The following DLG2 variants were observed in gnomAD, a reference collection of about 807,000 sequenced individuals.
The protein encoded by DLG2 is disks large homolog 2.
A neutral mutation model predicts 132.5 loss-of-function variants in DLG2; 45 were observed. That is an observed-to-expected ratio of 0.34 (90% confidence interval 0.27 to 0.44). The LOEUF (loss-of-function observed/expected upper bound fraction) is 0.44. DLG2 is among the 20% of genes least tolerant of loss of function. The probability of loss-of-function intolerance (pLI) is 1.00; values close to 1 mark genes in which losing one functional copy is unlikely to be tolerated. For missense variants in DLG2, 1,045 were observed against 1,196.9 expected (o/e 0.87, Z 1.87); for synonymous variants, 424 against 419.6 (o/e 1.01, Z -0.13).
intron 18 of DLG2, among the ~76,000 whole-genome samples, chr11:83,718,198 C>A (rs190935907): frequency 6.6e-6 from 1 of 152,210 alleles, no homozygotes; most frequent in East Asian, 1.9e-4. Context: ...GGAGTAGAGA[C>A]GGCTTCTCAG....
intron 6 of DLG2, among the ~76,000 whole-genome samples, chr11:84,652,243 TTGTG>T (rs945537487): frequency 1.3e-5 from 2 of 152,086 alleles, no homozygotes; most frequent in Non-Finnish European, 2.9e-5. Flanking sequence ...GTGTGCCTGT[TTGTG>T]TGTGTGTGTT....
intron 6 of DLG2, among the ~76,000 whole-genome samples, chr11:84,934,515 G>GGTTTTTTTTTTTTTTTTTTTTTT (rs1566441569): frequency 7.4e-5 from 3 of 40,478 alleles, no homozygotes; most frequent in Non-Finnish European, 1.3e-4. Flanking sequence ...TTTTTTTTTT[G>GGTTTTTTTTTTTTTTTTTTTTTT]TTTTGTTTTG....
In DLG2 at chr11:84,035,164, A is replaced by G. The variant is rs556923804; in HGVS notation, c.919+24151T>C. On this transcript the variant is annotated intron_variant, in intron 11 of 27. Transcript: ENST00000376104. Reference sequence around the variant, plus strand: ...CTAAGCCAAGGTCTGCTGCCCAGTAACACCTACTCTCCCTACCTCTGCCTT... The same window carrying G: ...CTAAGCCAAGGTCTGCTGCCCAGTAGCACCTACTCTCCCTACCTCTGCCTT... Among the ~76,000 whole-genome samples, 129 of 152,138 alleles carry G rather than the reference A, an allele frequency of 8.5e-4. 2 individuals carry two copies. Among genetic ancestry groups the G allele is most frequent in the South Asian group, 1.7e-3 (8 of 4,820 alleles).
chr11:84,155,210 G>T (rs1233460094), intron 9 of DLG2, among the ~76,000 whole-genome samples: 1 of 152,066 alleles, frequency 6.6e-6, no homozygotes, highest in Non-Finnish European at 1.5e-5. Flanking sequence ...CTTCATTTGT[G>T]ACTAGATTTC....
chr11:84,773,698 C>T (rs1597786329), intron 6 of DLG2, among the ~76,000 whole-genome samples: 1 of 152,126 alleles, frequency 6.6e-6, no homozygotes, highest in Non-Finnish European at 1.5e-5. Context: ...ACCATATCAT[C>T]TCAATACAGG....
At chr11:84,781,824 C>A (rs2071834031) in intron 6 of DLG2, among the ~76,000 whole-genome samples, 1 of 152,104 alleles carries the variant, frequency 6.6e-6, no homozygotes, top group African/African-American at 2.4e-5. Context: ...TGCTGAACAA[C>A]TTTTAGTAGT....
chr11:84,551,701 A>G (rs980323664), intron 6 of DLG2, among the ~76,000 whole-genome samples: 1 of 152,136 alleles, frequency 6.6e-6, no homozygotes, highest in Non-Finnish European at 1.5e-5. Flanking sequence ...CACACACTAT[A>G]TTGTCTCTCA....
chr11:83,984,829 T>C (rs1038096468), intron 11 of DLG2, among the ~76,000 whole-genome samples: 1 of 152,160 alleles, frequency 6.6e-6, no homozygotes, highest in Non-Finnish European at 1.5e-5. Context: ...CATTTCTTAG[T>C]GTTAGGAACA....
At chr11:85,429,613 G>A (rs908283822) in intron 3 of DLG2, among the ~76,000 whole-genome samples, 7 of 152,010 alleles carry the variant, frequency 4.6e-5, no homozygotes, top group Non-Finnish European at 7.4e-5. Context: ...AAAAATGCTC[G>A]TCATCACTGG....
rs528308419 is a variant in DLG2 at position 84,786,714 on chromosome 11, A to G, written c.358-251983T>C. 7.2e-5 allele frequency among the ~76,000 whole-genome samples: 11 copies of G among 152,326 alleles called. No homozygotes were observed. In the East Asian group the frequency reaches 1.9e-3, roughly 27 times the overall value. ...CCACCCATTGATAAGAGCTGCCTCAATTGAATATTTCCATTGCAGCAGCAA... is the reference window on the plus strand; with the variant it reads ...CCACCCATTGATAAGAGCTGCCTCAGTTGAATATTTCCATTGCAGCAGCAA... On this transcript the variant is annotated intron_variant, in intron 6 of 27. Transcript: ENST00000376104.
chr11:84,597,520 G>C (rs2099565225), intron 6 of DLG2, among the ~76,000 whole-genome samples: 1 of 152,166 alleles, frequency 6.6e-6, no homozygotes, highest in African/African-American at 2.4e-5. Flanking sequence ...ATAATGAGTA[G>C]AGGAAGATGA....
chr11:85,491,634 T>C (rs1375036266), intron 3 of DLG2, among the ~76,000 whole-genome samples: 2 of 152,008 alleles, frequency 1.3e-5, no homozygotes, highest in African/African-American at 4.8e-5. Flanking sequence ...AAGAAATTTA[T>C]TTAAAACCTA....
intron 6 of DLG2, among the ~76,000 whole-genome samples, chr11:84,707,173 C>T (rs938518821): frequency 1.3e-4 from 20 of 151,770 alleles, no homozygotes; most frequent in African/African-American, 4.6e-4. Context: ...CAAGCGAACA[C>T]CTAGAGTCTG....
intron 6 of DLG2, among the ~76,000 whole-genome samples, chr11:84,555,095 T>TC (rs1236510102): frequency 1.3e-5 from 2 of 151,930 alleles, no homozygotes; most frequent in Non-Finnish European, 2.9e-5. Flanking sequence ...AGGATTTGGG[T>TC]CCCCATCCTA....
intron 8 of DLG2, among the ~76,000 whole-genome samples, chr11:84,204,821 C>A (rs1158359104): frequency 2.0e-5 from 3 of 152,128 alleles, no homozygotes; most frequent in African/African-American, 7.2e-5. Context: ...CCTGCCTCAG[C>A]CTCCTAAGTA....
chr11:84,775,749 A>T (rs1249848247), intron 6 of DLG2, among the ~76,000 whole-genome samples: 2 of 152,160 alleles, frequency 1.3e-5, no homozygotes, highest in Non-Finnish European at 2.9e-5. Flanking sequence ...CTGGAGGGGG[A>T]TGGTACAGCA....
At chr11:84,417,776 A>T (rs2098934861) in intron 7 of DLG2, among the ~76,000 whole-genome samples, 2 of 151,984 alleles carry the variant, frequency 1.3e-5, no homozygotes, top group South Asian at 4.1e-4. Context: ...TTTCCCCACC[A>T]TTTTATGTAT....
At chr11:84,195,699 T>A (rs556613603) in intron 8 of DLG2, among the ~76,000 whole-genome samples, 3 of 152,226 alleles carry the variant, frequency 2.0e-5, no homozygotes, top group Non-Finnish European at 4.4e-5. Flanking sequence ...GATAAATACA[T>A]GTTTGCGCAT....
At chr11:83,921,391 T>C (rs1353350240) in intron 15 of DLG2, among the ~76,000 whole-genome samples, 1 of 152,178 alleles carries the variant, frequency 6.6e-6, no homozygotes, top group Non-Finnish European at 1.5e-5. Flanking sequence ...TTTGCAACTA[T>C]CTCATCTCAT....
Sources: allele counts gnomAD v4.1 joint callset (sites outside exome capture counted in the v4.1 genomes callset), GRCh38; gene constraint gnomAD v4.1.1; transcripts MANE v1.5; gene names NCBI Gene and HGNC (gene_info 2026-07-23, HGNC 2026-07-21).